Variants in MAP4 observed in about 807,000 individuals in gnomAD.
MAP4 encodes microtubule associated protein 4.
In MAP4, 76 loss-of-function variants were observed where a neutral mutation model predicts 170.2. The observed-to-expected ratio is 0.45, with a 90% CI of 0.37 to 0.54. MAP4 has a LOEUF of 0.54. MAP4 is among the 20% of genes least tolerant of loss of function. The probability of loss-of-function intolerance (pLI) is 0.00; values close to 1 mark genes in which losing one functional copy is unlikely to be tolerated. For synonymous variants in MAP4, 909 were observed against 994.5 expected, an observed-to-expected ratio of 0.91 and a Z score of 1.62; for missense variants, 2,506 against 2,748.0, an observed-to-expected ratio of 0.91 and a Z score of 1.97.
chr3:47,955,342 T>G (rs2100067044), intron 3 of MAP4, among the ~76,000 whole-genome samples: 1 of 151,966 alleles, frequency 6.6e-6, no homozygotes, highest in Non-Finnish European at 1.5e-5. Flanking sequence ...TGCCTATGAA[T>G]CTAGCCTCAG....
chr3:48,028,985 A>G lies in MAP4; in HGVS notation c.-19-30106T>C, dbSNP rs986350330. ...TGGTGAACCCCTGCCTCGATAAAAA[A>G]TACAAAAAAGGTTAGCTGGTTGTGG... On this transcript the variant is annotated intron_variant, in intron 1 of 18. Coordinates refer to the MAP4 transcript ENST00000360240. Among the ~76,000 whole-genome samples, 3 of 151,810 alleles carry G rather than the reference A, an allele frequency of 2.0e-5. No homozygotes were observed. The East Asian group carries it at 5.8e-4, about 29-fold the overall frequency.
chr3:47,952,038 C>G (rs370528482), intron 3 of MAP4, among the ~76,000 whole-genome samples: 1 of 148,428 alleles, frequency 6.7e-6, no homozygotes, highest in Non-Finnish European at 1.5e-5. Flanking sequence ...TCTGCCCGGC[C>G]GCGACCCCGT....
chr3:48,031,229 A>G (rs900457595), intron 1 of MAP4, among the ~76,000 whole-genome samples: 2 of 152,118 alleles, frequency 1.3e-5, no homozygotes, highest in African/African-American at 4.8e-5. Context: ...TTAGGCAAGC[A>G]ACATGGCGAA....
chr3:48,012,668 A>G (rs1169381649), intron 1 of MAP4, among the ~76,000 whole-genome samples: 2 of 151,788 alleles, frequency 1.3e-5, no homozygotes, highest in African/African-American at 2.4e-5. Context: ...CCCCGCCCCC[A>G]GCCACACACT....
At chr3:47,875,023 T>C (rs561957543) in intron 12 of MAP4, among the ~76,000 whole-genome samples, 1 of 152,316 alleles carries the variant, frequency 6.6e-6, no homozygotes, top group South Asian at 2.1e-4. Flanking sequence ...CTGCTCCAAA[T>C]GTGACCAGTT....
intron 1 of MAP4, among the ~76,000 whole-genome samples, chr3:48,036,563 G>A (rs1424541942): frequency 1.3e-5 from 2 of 152,148 alleles, no homozygotes; most frequent in South Asian, 2.1e-4. Flanking sequence ...GTCATGTATA[G>A]AGCTATGGCC....
At chr3:48,069,686 T>G (rs1018274884) in intron 1 of MAP4, among the ~76,000 whole-genome samples, 6 of 152,162 alleles carry the variant, frequency 3.9e-5, no homozygotes, top group Admixed American at 3.3e-4. Context: ...TTGTCCCTAT[T>G]ATTGTTATCT....
In MAP4 at chr3:48,053,592, A is replaced by T. The variant is rs2100129044; in HGVS notation, c.-20+35181T>A. ...CTACCCAAATACCCAGTGTTTCTAAAACTAATGACTAAATCTGATTTACTT... is the reference window on the plus strand; with the variant it reads ...CTACCCAAATACCCAGTGTTTCTAATACTAATGACTAAATCTGATTTACTT... On this transcript the variant is annotated intron_variant, in intron 1 of 18. Transcript: ENST00000360240. Among the ~76,000 whole-genome samples, 3 of 152,316 alleles carry T rather than the reference A, an allele frequency of 2.0e-5. No homozygotes were observed. The South Asian group carries it at 6.2e-4, about 32-fold the overall frequency.
At chr3:47,934,464 G>A (rs550046613) in intron 3 of MAP4, among the ~76,000 whole-genome samples, 2 of 152,044 alleles carry the variant, frequency 1.3e-5, no homozygotes, top group Non-Finnish European at 2.9e-5. Context: ...ATCACGCTCG[G>A]CTAATTATTG....
chr3:47,935,550 C>T (rs752598956), intron 3 of MAP4, among the ~76,000 whole-genome samples: 4 of 152,060 alleles, frequency 2.6e-5, no homozygotes, highest in Admixed American at 2.0e-4. Flanking sequence ...TTTGCTTTCC[C>T]CACCGAAGAA....
chr3:47,941,960 C>T (rs964424009), intron 3 of MAP4, among the ~76,000 whole-genome samples: 1 of 152,170 alleles, frequency 6.6e-6, no homozygotes, highest in Admixed American at 6.5e-5. Context: ...CTCACAAACA[C>T]AAGCTCTTTG....
upstream of MAP4, among the ~76,000 whole-genome samples, chr3:48,019,001 C>G (rs184739899): frequency 6.6e-6 from 1 of 152,084 alleles, no homozygotes; most frequent in Non-Finnish European, 1.5e-5. Flanking sequence ...TTTAGAAAAG[C>G]ATGACATGAT....
At chr3:47,891,679 G>A in intron 10 of MAP4, 1 of 1,536,380 alleles carries the variant, frequency 6.5e-7, no homozygotes, top group South Asian at 1.2e-5. Flanking sequence ...CCTTATCATG[G>A]TCTCTGATGT....
chr3:47,976,461 C>A (rs2100082242), intron 3 of MAP4, among the ~76,000 whole-genome samples: 1 of 152,220 alleles, frequency 6.6e-6, no homozygotes, highest in African/African-American at 2.4e-5. Flanking sequence ...CTAATCAAGT[C>A]AATCCCCTCC....
intron 3 of MAP4, among the ~76,000 whole-genome samples, chr3:47,962,368 GACCTGCAGCA>G (rs1408200489): frequency 6.6e-6 from 1 of 152,096 alleles, no homozygotes; most frequent in Non-Finnish European, 1.5e-5. Context: ...ACATCACCCT[GACCTGCAGCA>G]ACTCAGCAAA....
chr3:47,915,813 T>C (rs1162857466), intron 7 of MAP4, 138 bp downstream of exon 7: 11 of 896,798 alleles, frequency 1.2e-5, no homozygotes, highest in Non-Finnish European at 1.8e-5. Context: ...AAGAGTTGTC[T>C]AGGAGAGCAG....
intron 3 of MAP4, among the ~76,000 whole-genome samples, chr3:47,933,146 T>A (rs1312525801): frequency 6.6e-6 from 1 of 152,066 alleles, no homozygotes; most frequent in Non-Finnish European, 1.5e-5. Flanking sequence ...AAAGAATATA[T>A]ATTGTATGAT....
intron 1 of MAP4, among the ~76,000 whole-genome samples, chr3:48,054,852 C>A (rs1327177966): frequency 4.0e-5 from 6 of 151,692 alleles, no homozygotes; most frequent in Non-Finnish European, 5.9e-5. Context: ...AGTCAGTCTT[C>A]TTTAGCTAAA....
chr3:48,007,307 A>C (rs1406591645), intron 1 of MAP4, among the ~76,000 whole-genome samples: 1 of 152,234 alleles, frequency 6.6e-6, no homozygotes, highest in East Asian at 1.9e-4. Flanking sequence ...TTAAAGGATA[A>C]GTTGTTGTGT....
Sources: allele counts gnomAD v4.1 joint callset (sites outside exome capture counted in the v4.1 genomes callset), GRCh38; gene constraint gnomAD v4.1.1; transcripts MANE v1.5; gene names NCBI Gene and HGNC (gene_info 2026-07-23, HGNC 2026-07-21).